The following CTNND2 variants were observed in gnomAD, a reference collection of about 807,000 sequenced individuals.
The protein encoded by CTNND2 is catenin delta 2.
CTNND2 carries 22 observed loss-of-function variants against 144.4 expected under a neutral mutation model. The observed-to-expected ratio is 0.15, with a 90% CI of 0.11 to 0.22. CTNND2 has a LOEUF of 0.22. Among genes scored for constraint, CTNND2 ranks in the 10% least tolerant of loss-of-function variants. The pLI is 1.00. For synonymous variants in CTNND2, 751 were observed against 695.6 expected, an observed-to-expected ratio of 1.08 and a Z score of -1.25; for missense variants, 1,353 against 1,618.8, an observed-to-expected ratio of 0.84 and a Z score of 2.82.
At chr5:11,133,219 A>G (rs1304220302) in intron 12 of CTNND2, among the ~76,000 whole-genome samples, 1 of 152,118 alleles carries the variant, frequency 6.6e-6, no homozygotes, top group African/African-American at 2.4e-5. Flanking sequence ...ACTTAAGATT[A>G]TTTAGCCTTT....
chr5:11,835,309 G>A (rs1342753216), intron 1 of CTNND2, among the ~76,000 whole-genome samples: 2 of 152,142 alleles, frequency 1.3e-5, no homozygotes, highest in Admixed American at 1.3e-4. Flanking sequence ...GGGTAATGTG[G>A]CCTCATAAAA....
In CTNND2 at chr5:11,653,755, G is replaced by T. The variant is rs182836462; in HGVS notation, c.174+78381C>A. Among the ~76,000 whole-genome samples the T allele has an allele frequency of 1.5e-3, 215 of 143,610 alleles. 1 individual carries two copies. The highest frequency in any genetic ancestry group is 2.3e-3 in the Non-Finnish European group (147 of 65,152). The allele number at this position is 143,610 out of a possible 152,430, so 94.2% of individuals were successfully genotyped here. On this transcript the variant is annotated intron_variant, in intron 2 of 21. Coordinates refer to ENST00000304623, the MANE Select transcript of CTNND2 (RefSeq NM_001332.4). ...TTTTAGTTTGATGTAGGCTTGTTTG[G>T]TTTTTTTTTTTCCCTTTTGGTTGCC...
chr5:11,037,883 G>A (rs1206211279), intron 16 of CTNND2, among the ~76,000 whole-genome samples: 3 of 151,974 alleles, frequency 2.0e-5, no homozygotes, highest in Non-Finnish European at 4.4e-5. Flanking sequence ...ATATTGATTG[G>A]TCTGAAACTA....
intron 3 of CTNND2, among the ~76,000 whole-genome samples, chr5:11,436,791 A>G (rs1763812846): frequency 6.6e-6 from 1 of 152,228 alleles, no homozygotes; most frequent in Admixed American, 6.5e-5. Context: ...TAGTTTCCTA[A>G]TATTTCCCTT....
Position 11,870,290 on chromosome 5 carries a change from C to G in CTNND2, c.37+33527G>C, listed in dbSNP as rs35521501. On this transcript the variant is annotated intron_variant, in intron 1 of 21. Coordinates refer to ENST00000304623, the MANE Select transcript of CTNND2 (RefSeq NM_001332.4). Reference sequence around the variant, plus strand: ...TCTGCAGGCGTCTAGCAGAGGCTTGCGATGCTGCTCAATAGCCTGTAATGC... The same window carrying G: ...TCTGCAGGCGTCTAGCAGAGGCTTGGGATGCTGCTCAATAGCCTGTAATGC... Among the ~76,000 whole-genome samples, 84 of 152,194 alleles carry G rather than the reference C, an allele frequency of 5.5e-4. No homozygotes were observed. In the East Asian group the frequency reaches 7.4e-3, roughly 13 times the overall value.
intron 1 of CTNND2, among the ~76,000 whole-genome samples, chr5:11,785,385 T>C (rs1169390274): frequency 3.9e-5 from 6 of 152,184 alleles, no homozygotes; most frequent in African/African-American, 1.4e-4. Context: ...ATTCGGATTT[T>C]TGAACAAAAT....
At chr5:11,280,522 C>T (rs1747005655) in intron 9 of CTNND2, among the ~76,000 whole-genome samples, 1 of 152,138 alleles carries the variant, frequency 6.6e-6, no homozygotes, top group South Asian at 2.1e-4. Context: ...ACTCTATTTC[C>T]TCCTCTTTTG....
At chr5:11,463,383 T>A (rs762400515) in intron 3 of CTNND2, among the ~76,000 whole-genome samples, 3 of 152,222 alleles carry the variant, frequency 2.0e-5, no homozygotes, top group African/African-American at 7.2e-5. Context: ...AACTTCCTTA[T>A]TTTTAGTTTG....
chr5:11,278,192 C>T (rs576099104), intron 9 of CTNND2, among the ~76,000 whole-genome samples: 3 of 152,300 alleles, frequency 2.0e-5, no homozygotes, highest in African/African-American at 7.2e-5. Flanking sequence ...TGCTTCTCTA[C>T]AGTCGCCATT....
intron 1 of CTNND2, among the ~76,000 whole-genome samples, chr5:11,762,590 G>C (rs1322178364): frequency 6.6e-6 from 1 of 152,172 alleles, no homozygotes; most frequent in African/African-American, 2.4e-5. Context: ...CTTTAAGATG[G>C]ATGATAGCAA....
intron 3 of CTNND2, among the ~76,000 whole-genome samples, chr5:11,541,018 A>G (rs1310064412): frequency 2.0e-5 from 3 of 152,228 alleles, no homozygotes; most frequent in Non-Finnish European, 4.4e-5. Context: ...CATGAGTCAG[A>G]CTGCAAAATA....
At chr5:11,309,473 G>GT (rs755890755) in intron 9 of CTNND2, among the ~76,000 whole-genome samples, 9 of 152,242 alleles carry the variant, frequency 5.9e-5, no homozygotes, top group Admixed American at 1.3e-4. Context: ...TAGCCCTTTT[G>GT]TTTAGACTGA....
rs529993134 is a variant in CTNND2, at chr5:11,830,036, T to C, written c.37+73781A>G. ...TGCCCTGCTGGATTTTGGACTTGCA[T>C]AGGGACTGTAACCCCTTTGTTTTGA... On this transcript the variant is annotated intron_variant, in intron 1 of 21. Transcript: ENST00000304623. Among the ~76,000 whole-genome samples the C allele has an allele frequency of 3.3e-5, 5 of 152,358 alleles. No individual in the cohort carries two copies. The South Asian group carries it at 8.3e-4, about 25-fold the overall frequency.
intron 8 of CTNND2, among the ~76,000 whole-genome samples, chr5:11,347,660 C>G (rs765191982): frequency 6.6e-6 from 1 of 152,188 alleles, no homozygotes; most frequent in Non-Finnish European, 1.5e-5. Flanking sequence ...TGCTGTAGAA[C>G]AGACTTCATA....
At chr5:11,460,738 T>C (rs1766128719) in intron 3 of CTNND2, among the ~76,000 whole-genome samples, 3 of 152,148 alleles carry the variant, frequency 2.0e-5, no homozygotes, top group African/African-American at 7.2e-5. Flanking sequence ...TCACTTTACC[T>C]TAGCTGACTA....
chr5:11,447,900 T>G (rs1426529149), intron 3 of CTNND2, among the ~76,000 whole-genome samples: 1 of 152,202 alleles, frequency 6.6e-6, no homozygotes, highest in African/African-American at 2.4e-5. Flanking sequence ...ATGTACTAGT[T>G]GTGTATATTA....
intron 7 of CTNND2, among the ~76,000 whole-genome samples, chr5:11,376,043 A>G (rs1270068643): frequency 6.6e-6 from 1 of 152,094 alleles, no homozygotes; most frequent in Non-Finnish European, 1.5e-5. Context: ...CTTACACCCG[A>G]GAGAGCAAGG....
intron 17 of CTNND2, among the ~76,000 whole-genome samples, chr5:11,020,105 G>A (rs1742082019): frequency 6.6e-6 from 1 of 152,158 alleles, no homozygotes; most frequent in African/African-American, 2.4e-5. Flanking sequence ...CTGTGCCAGC[G>A]GTGGGATCAC....
chr5:11,837,405 C>G (rs554382855), intron 1 of CTNND2, among the ~76,000 whole-genome samples: 1 of 152,304 alleles, frequency 6.6e-6, no homozygotes, highest in African/African-American at 2.4e-5. Flanking sequence ...TTAAAATGCT[C>G]TGTAAATTGT....
Sources: gnomAD v4.1 joint callset for allele counts (sites outside exome capture counted in the v4.1 genomes callset) on GRCh38, gnomAD v4.1.1 for gene constraint, MANE v1.5 for transcripts, NCBI Gene and HGNC (gene_info 2026-07-23, HGNC 2026-07-21) for gene names.